The following NEBL variants were observed in gnomAD, a reference collection of about 807,000 sequenced individuals.
The protein encoded by NEBL is LIM and SH3 protein 2.
Under a neutral mutation model 140.2 loss-of-function variants are expected in NEBL, and 122 were observed. That is an observed-to-expected ratio of 0.87 (90% confidence interval 0.75 to 1.01). The LOEUF (loss-of-function observed/expected upper bound fraction) is 1.01, where lower values mean the gene tolerates loss of function less well. Among genes scored for constraint, NEBL ranks in the 50% least tolerant of loss-of-function variants. The probability of loss-of-function intolerance (pLI) is 0.00; values close to 1 mark genes in which losing one functional copy is unlikely to be tolerated. For synonymous variants in NEBL, 436 were observed against 398.9 expected, an observed-to-expected ratio of 1.09 and a Z score of -1.11; for missense variants, 1,365 against 1,231.3, an observed-to-expected ratio of 1.11 and a Z score of -1.62.
At chr10:20,935,456 G>T (rs904802982) in intron 4 of NEBL, among the ~76,000 whole-genome samples, 1 of 152,118 alleles carries the variant, frequency 6.6e-6, no homozygotes, top group Non-Finnish European at 1.5e-5. Flanking sequence ...ACAGAACTGA[G>T]AACACCCCCA....
intron 2 of NEBL, among the ~76,000 whole-genome samples, chr10:21,149,293 C>CT (rs1019311645): frequency 2.7e-5 from 4 of 149,286 alleles, no homozygotes; most frequent in Admixed American, 6.7e-5. Flanking sequence ...AATAGTCTTT[C>CT]TTTTTTTTTC....
In NEBL at chr10:20,815,586, C is replaced by T. The variant is rs772830622; in HGVS notation, c.2241+39G>A. ...GACCGCAAGTAAATAATAAAAGACA[C>T]ATCCTTTGTGATAGTCTAAAATGAA... On this transcript the variant is annotated intron_variant, in intron 22 of 27. Coordinates refer to ENST00000377122, the MANE Select transcript of NEBL (RefSeq NM_006393.3). 19 of 1,442,258 alleles carry T rather than the reference C, an allele frequency of 1.3e-5. No individual in the cohort carries two copies. In the East Asian group the frequency reaches 2.5e-4, roughly 19 times the overall value. 89.3% of individuals were successfully genotyped at this position (1,442,258 alleles called of 1,614,324 possible).
chr10:21,104,080 G>C (rs560738271), intron 2 of NEBL, among the ~76,000 whole-genome samples: 1 of 152,108 alleles, frequency 6.6e-6, no homozygotes, highest in Non-Finnish European at 1.5e-5. Context: ...AATTAACTTG[G>C]TGTCTTTGTG....
chr10:21,058,608 T>C (rs1835141848), intron 2 of NEBL, among the ~76,000 whole-genome samples: 1 of 152,114 alleles, frequency 6.6e-6, no homozygotes. Context: ...TAATGGCATG[T>C]TTATCAAATG....
chr10:20,858,376 G>A (rs71541569), intron 8 of NEBL, 32 bp from the exon 9 acceptor site: 32 of 1,474,208 alleles, frequency 2.2e-5, no homozygotes, highest in Admixed American at 5.0e-5. Context: ...AAATACCATC[G>A]AGGAGAAGAA....
intron 4 of NEBL, among the ~76,000 whole-genome samples, chr10:20,908,124 T>C (rs1367420896): frequency 2.0e-5 from 3 of 152,186 alleles, no homozygotes; most frequent in Admixed American, 6.5e-5. Flanking sequence ...GTGAGCTTTA[T>C]ATACAGTAAC....
intron 2 of NEBL, among the ~76,000 whole-genome samples, chr10:20,894,916 G>T (rs191069016): frequency 7.2e-6 from 1 of 138,162 alleles, no homozygotes; most frequent in African/African-American, 2.8e-5. Flanking sequence ...GTGATAGAGC[G>T]AGACTCTGTC....
chr10:20,852,765 A>G (rs1229241857), intron 9 of NEBL, 116 bp from the exon 10 acceptor site: 1 of 914,792 alleles, frequency 1.1e-6, no homozygotes, highest in Non-Finnish European at 1.7e-6. Flanking sequence ...GCTGTTGCCA[A>G]GTCCCCATCT....
intron 2 of NEBL, among the ~76,000 whole-genome samples, chr10:21,065,363 G>C (rs1296624729): frequency 6.6e-6 from 1 of 152,170 alleles, no homozygotes; most frequent in Non-Finnish European, 1.5e-5. Context: ...GGGAGAATTT[G>C]AGATGATAAA....
intron 2 of NEBL, among the ~76,000 whole-genome samples, chr10:21,050,312 T>G (rs1294726716): frequency 6.6e-6 from 1 of 152,230 alleles, no homozygotes; most frequent in African/African-American, 2.4e-5. Context: ...TTCGGTAATC[T>G]TTCATAACAT....
chr10:21,193,601 T>C (rs188245333), intron 3 of NEBL, among the ~76,000 whole-genome samples: 93 of 152,274 alleles, frequency 6.1e-4, no homozygotes, highest in African/African-American at 2.2e-3. Flanking sequence ...GAGCAACCAC[T>C]GAGCAACAGA....
chr10:20,889,188 A>G (rs1588951518), intron 3 of NEBL, among the ~76,000 whole-genome samples: 3 of 152,220 alleles, frequency 2.0e-5, no homozygotes, highest in African/African-American at 7.2e-5. Flanking sequence ...CTTCTAAGTG[A>G]TCTATTCACA....
chr10:21,110,411 G>A (rs1837940977), intron 2 of NEBL, among the ~76,000 whole-genome samples: 1 of 152,120 alleles, frequency 6.6e-6, no homozygotes, highest in African/African-American at 2.4e-5. Flanking sequence ...TCATGTAGAA[G>A]TTATCAAATT....
At chr10:21,202,920 A>G (rs1841765170) in intron 3 of NEBL, among the ~76,000 whole-genome samples, 1 of 152,258 alleles carries the variant, frequency 6.6e-6, no homozygotes, top group South Asian at 2.1e-4. Flanking sequence ...CAGTTTATCC[A>G]GCTTCCTAAG....
At chr10:21,121,638 A>G (rs1444455301) in intron 2 of NEBL, among the ~76,000 whole-genome samples, 1 of 152,188 alleles carries the variant, frequency 6.6e-6, no homozygotes, top group Non-Finnish European at 1.5e-5. Context: ...AGTCGTAGAG[A>G]GCAAATCCAA....
intron 2 of NEBL, among the ~76,000 whole-genome samples, chr10:21,106,950 T>G (rs1837746456): frequency 6.6e-6 from 1 of 152,212 alleles, no homozygotes; most frequent in South Asian, 2.1e-4. Context: ...TTGTAGTAAT[T>G]GTGAATGGGA....
rs187549668 is a variant in NEBL, at chr10:21,109,757, T to A, written c.164+62626A>T. Among the ~76,000 whole-genome samples, 4 of 152,304 alleles carry A rather than the reference T, an allele frequency of 2.6e-5. No homozygotes were observed. In the East Asian group the frequency reaches 5.8e-4, roughly 22 times the overall value. Reference sequence around the variant, plus strand: ...ATGTATGTGTCCAGGAATTCATCCATTTCTTGTAGATTATCTAGTTTATTT... The same window carrying A: ...ATGTATGTGTCCAGGAATTCATCCAATTCTTGTAGATTATCTAGTTTATTT... On this transcript the variant is annotated intron_variant, in intron 2 of 6. Coordinates refer to the NEBL transcript ENST00000417816.
intron 2 of NEBL, among the ~76,000 whole-genome samples, chr10:21,121,977 G>A (rs1317408977): frequency 6.6e-6 from 1 of 151,594 alleles, no homozygotes; most frequent in Admixed American, 6.6e-5. Flanking sequence ...ACATTTTCAG[G>A]CCAAGGAATG....
intron 3 of NEBL, among the ~76,000 whole-genome samples, chr10:21,231,774 T>C (rs72798591): frequency 0.041 from 6,131 of 150,668 alleles, 192 homozygotes; most frequent in South Asian, 0.14. Flanking sequence ...CAGGAGGAGG[T>C]AGGGAGAAGG....
Sources: gnomAD v4.1 joint callset for allele counts (sites outside exome capture counted in the v4.1 genomes callset) on GRCh38, gnomAD v4.1.1 for gene constraint, MANE v1.5 for transcripts, NCBI Gene and HGNC (gene_info 2026-07-23, HGNC 2026-07-21) for gene names.